The following MDGA2 variants were observed in gnomAD, a reference collection of about 807,000 sequenced individuals.
The protein encoded by MDGA2 is MAM domain containing glycosylphosphatidylinositol anchor 2.
A neutral mutation model predicts 117.8 loss-of-function variants in MDGA2; 40 were observed. The observed-to-expected ratio is 0.34, with a 90% CI of 0.26 to 0.44. MDGA2 has a LOEUF of 0.44. MDGA2 is among the 20% of genes least tolerant of loss of function. MDGA2 has a pLI of 1.00. For synonymous variants in MDGA2, 452 were observed against 439.0 expected, an observed-to-expected ratio of 1.03 and a Z score of -0.37; for missense variants, 1,123 against 1,250.6, an observed-to-expected ratio of 0.90 and a Z score of 1.54.
chr14:47,423,750 A>G (rs1255657146), intron 1 of MDGA2, among the ~76,000 whole-genome samples: 1 of 152,156 alleles, frequency 6.6e-6, no homozygotes, highest in Non-Finnish European at 1.5e-5. Context: ...GTCAAAAGAT[A>G]TGTCAGTGTT....
chr14:47,200,916 T>C, intron 3 of MDGA2: 1 of 848,568 alleles, frequency 1.2e-6, no homozygotes, highest in Non-Finnish European at 2.0e-6. Context: ...CGCTTGGTCT[T>C]GTGGGGCAGC....
At chr14:47,666,233 A>C (rs577075977) in intron 1 of MDGA2, among the ~76,000 whole-genome samples, 63 of 146,800 alleles carry the variant, frequency 4.3e-4, no homozygotes, top group African/African-American at 1.5e-3. Flanking sequence ...AGGGATTGTG[A>C]ATACACCAAT....
At chr14:46,901,426 C>T (rs1566515681) in intron 10 of MDGA2, among the ~76,000 whole-genome samples, 1 of 152,098 alleles carries the variant, frequency 6.6e-6, no homozygotes, top group African/African-American at 2.4e-5. Context: ...GAAAATCGGA[C>T]TGGCATGCTT....
At chr14:47,170,587 A>G (rs546071054) in intron 3 of MDGA2, among the ~76,000 whole-genome samples, 1 of 152,198 alleles carries the variant, frequency 6.6e-6, no homozygotes, top group African/African-American at 2.4e-5. Context: ...TTTCTGCAAG[A>G]ATTAAAAAGC....
chr14:47,426,589 A>G (rs890527720), intron 1 of MDGA2, among the ~76,000 whole-genome samples: 36 of 151,356 alleles, frequency 2.4e-4, no homozygotes, highest in African/African-American at 8.5e-4. Flanking sequence ...ATTATTTTCT[A>G]GAAAATATGC....
chr14:47,044,287 TATA>T (rs1889179246), intron 7 of MDGA2, among the ~76,000 whole-genome samples: 1 of 152,204 alleles, frequency 6.6e-6, no homozygotes, highest in Non-Finnish European at 1.5e-5. Flanking sequence ...AATAGATTTT[TATA>T]ATGTTAGTAC....
At chr14:47,248,626 G>A (rs1887331865) in intron 2 of MDGA2, among the ~76,000 whole-genome samples, 1 of 145,984 alleles carries the variant, frequency 6.9e-6, no homozygotes, top group Non-Finnish European at 1.6e-5. Context: ...AAACTATATT[G>A]TCTGGGTTTT....
chr14:47,550,067 T>G (rs1029219034), intron 1 of MDGA2, among the ~76,000 whole-genome samples: 1 of 152,214 alleles, frequency 6.6e-6, no homozygotes, highest in African/African-American at 2.4e-5. Flanking sequence ...AACTTCCTGC[T>G]GGGTATTGCT....
chr14:47,225,670 G>C (rs895774053), intron 2 of MDGA2, among the ~76,000 whole-genome samples: 1 of 151,654 alleles, frequency 6.6e-6, no homozygotes, highest in Non-Finnish European at 1.5e-5. Context: ...TGTGGGGTGG[G>C]GGGAGTGGGG....
intron 1 of MDGA2, among the ~76,000 whole-genome samples, chr14:47,381,715 C>T (rs746609720): frequency 6.6e-6 from 1 of 152,068 alleles, no homozygotes; most frequent in African/African-American, 2.4e-5. Context: ...TAAAAGAGGA[C>T]ACAAACAAAT....
intron 1 of MDGA2, among the ~76,000 whole-genome samples, chr14:47,361,991 T>G (rs1278177651): frequency 6.6e-6 from 1 of 152,160 alleles, no homozygotes; most frequent in East Asian, 1.9e-4. Context: ...GTGGGTTTTG[T>G]TTTAACATTA....
intron 1 of MDGA2, among the ~76,000 whole-genome samples, chr14:47,549,794 TAAGGA>T (rs996022012): frequency 6.6e-6 from 1 of 152,070 alleles, no homozygotes; most frequent in African/African-American, 2.4e-5. Flanking sequence ...ATGCATGCAT[TAAGGA>T]AAGGCCCCAT....
chr14:47,389,284 T>A lies in MDGA2; in HGVS notation c.281-87734A>T, dbSNP rs193284269. Among the ~76,000 whole-genome samples, 246 of 152,270 alleles carry A rather than the reference T, an allele frequency of 1.6e-3. 1 individual carries two copies. Among genetic ancestry groups the A allele is most frequent in the African/African-American group, 5.6e-3 (234 of 41,564 alleles). Reference sequence around the variant, plus strand: ...AAATGCTGTATGGTCAAAATATAGGTGTGAACACATAAACATGTTGACTTC... The same window carrying A: ...AAATGCTGTATGGTCAAAATATAGGAGTGAACACATAAACATGTTGACTTC... On this transcript the variant is annotated intron_variant, in intron 1 of 16. Coordinates refer to ENST00000399232, the MANE Select transcript of MDGA2 (RefSeq NM_001113498.3).
At chr14:47,194,659 A>C (rs1442679269) in intron 3 of MDGA2, among the ~76,000 whole-genome samples, 2 of 152,086 alleles carry the variant, frequency 1.3e-5, no homozygotes, top group Non-Finnish European at 2.9e-5. Flanking sequence ...TACAGTATTG[A>C]ACTGAAGATT....
intron 2 of MDGA2, among the ~76,000 whole-genome samples, chr14:47,227,293 T>C (rs1886539733): frequency 6.6e-6 from 1 of 152,140 alleles, no homozygotes; most frequent in African/African-American, 2.4e-5. Context: ...TCTTAGCCGA[T>C]GAATGATTAT....
intron 1 of MDGA2, among the ~76,000 whole-genome samples, chr14:47,593,274 C>T (rs550646220): frequency 3.3e-5 from 5 of 152,266 alleles, no homozygotes; most frequent in African/African-American, 9.6e-5. Flanking sequence ...TGCTTTTACA[C>T]TGTTGGTGGG....
At chr14:47,637,723 A>T (rs920772167) in intron 1 of MDGA2, among the ~76,000 whole-genome samples, 6 of 152,214 alleles carry the variant, frequency 3.9e-5, no homozygotes, top group Non-Finnish European at 8.8e-5. Flanking sequence ...TGTTATCCAA[A>T]TTGTAAGTGC....
intron 2 of MDGA2, among the ~76,000 whole-genome samples, chr14:47,235,816 A>G (rs1351688638): frequency 6.6e-6 from 1 of 152,118 alleles, no homozygotes; most frequent in Admixed American, 6.5e-5. Flanking sequence ...TGTTTCCCAT[A>G]TATCTAGACT....
chr14:46,920,300 T>G (rs1398450097), intron 9 of MDGA2, 140 bp from the exon 10 acceptor site: 1 of 754,424 alleles, frequency 1.3e-6, no homozygotes, highest in Non-Finnish European at 2.0e-6. Context: ...GGATATGTTT[T>G]GAGAACAGAT....
Sources: allele counts gnomAD v4.1 joint callset (sites outside exome capture counted in the v4.1 genomes callset), GRCh38; gene constraint gnomAD v4.1.1; transcripts MANE v1.5; gene names NCBI Gene and HGNC (gene_info 2026-07-23, HGNC 2026-07-21).